The following CPNE4 variants were observed in gnomAD, a reference collection of about 807,000 sequenced individuals.
CPNE4 encodes the protein copine-4.
A neutral mutation model predicts 67.9 loss-of-function variants in CPNE4; 25 were observed. The ratio of observed to expected loss-of-function variants is 0.37; its 90% confidence interval spans 0.27 to 0.51. The LOEUF (loss-of-function observed/expected upper bound fraction) is 0.51. Ranked by LOEUF, CPNE4 falls within the 20% of genes least tolerant of loss-of-function variation. CPNE4 has a pLI of 0.93. For synonymous variants in CPNE4, 242 were observed against 244.9 expected (o/e 0.99, Z 0.11); for missense variants, 464 against 690.8 (o/e 0.67, Z 3.68).
At chr3:131,796,822 C>T (rs958271920) in intron 2 of CPNE4, among the ~76,000 whole-genome samples, 2 of 152,202 alleles carry the variant, frequency 1.3e-5, no homozygotes, top group African/African-American at 4.8e-5. Flanking sequence ...AAGCAGCTGG[C>T]AGGAGCCTTC....
chr3:131,715,895 T>G (rs2081672721), intron 3 of CPNE4, among the ~76,000 whole-genome samples: 1 of 152,188 alleles, frequency 6.6e-6, no homozygotes, highest in Admixed American at 6.5e-5. Context: ...AGCTCCTTGA[T>G]TTCTTTTGGG....
intron 2 of CPNE4, among the ~76,000 whole-genome samples, chr3:131,792,621 A>G (rs60650139): frequency 0.025 from 1,490 of 60,226 alleles, 23 homozygotes; most frequent in East Asian, 0.066. Flanking sequence ...GTATATATGT[A>G]TATATATATA....
At chr3:131,541,184 G>A (rs1016543687) in intron 15 of CPNE4, among the ~76,000 whole-genome samples, 9 of 152,156 alleles carry the variant, frequency 5.9e-5, no homozygotes, top group African/African-American at 2.2e-4. Context: ...ACCCCCACAG[G>A]TGCCTAGACA....
intron 15 of CPNE4, among the ~76,000 whole-genome samples, chr3:131,539,575 A>C (rs1348956198): frequency 1.3e-5 from 2 of 152,232 alleles, no homozygotes; most frequent in Admixed American, 1.3e-4. Flanking sequence ...AGTGACTAGC[A>C]TGTGCCTTGC....
intron 1 of CPNE4, among the ~76,000 whole-genome samples, chr3:131,942,476 GAGAGAGAGAGAGAGAGA>G: frequency 1.4e-5 from 1 of 70,184 alleles, no homozygotes; most frequent in South Asian, 3.5e-4. Flanking sequence ...GAGAGAGAGA[GAGAGAGAGAGAGAGAGA>G]GAGAGAGAGA....
At chr3:131,898,878 A>T (rs541363348) in intron 2 of CPNE4, among the ~76,000 whole-genome samples, 1 of 152,046 alleles carries the variant, frequency 6.6e-6, no homozygotes, top group African/African-American at 2.4e-5. Context: ...GGATGTGTTA[A>T]GGGGGAGGTA....
At chr3:131,556,872 A>T (rs1936486032) in intron 11 of CPNE4, among the ~76,000 whole-genome samples, 2 of 152,196 alleles carry the variant, frequency 1.3e-5, no homozygotes, top group South Asian at 4.1e-4. Flanking sequence ...TGATGCATAC[A>T]ATGTACCAGC....
At chr3:131,644,063 T>C (rs1453570952) in intron 7 of CPNE4, among the ~76,000 whole-genome samples, 1 of 152,186 alleles carries the variant, frequency 6.6e-6, no homozygotes, top group Non-Finnish European at 1.5e-5. Context: ...GTCTGTACCA[T>C]TGGTTCTCAA....
intron 1 of CPNE4, among the ~76,000 whole-genome samples, chr3:131,989,643 A>G (rs2073131613): frequency 7.4e-6 from 1 of 135,918 alleles, no homozygotes; most frequent in Non-Finnish European, 1.7e-5. Flanking sequence ...AAGCCAAAAG[A>G]ATGACATATT....
chr3:131,550,658 T>C (rs1936122910), intron 13 of CPNE4, among the ~76,000 whole-genome samples: 1 of 152,124 alleles, frequency 6.6e-6, no homozygotes, highest in South Asian at 2.1e-4. Context: ...ATGACTTACT[T>C]ATTTTTTGTA....
chr3:131,625,465 A>G (rs2107767047), intron 7 of CPNE4, among the ~76,000 whole-genome samples: 1 of 152,310 alleles, frequency 6.6e-6, no homozygotes, highest in East Asian at 1.9e-4. Context: ...GACATTATAG[A>G]TTTACCCTTT....
chr3:131,690,989 C>T (rs953095098), intron 5 of CPNE4, among the ~76,000 whole-genome samples: 3 of 152,130 alleles, frequency 2.0e-5, no homozygotes, highest in African/African-American at 2.4e-5. Context: ...AAATGCAAAT[C>T]AAAACCACAA....
At chr3:131,595,749 A>G (rs780333534) in intron 7 of CPNE4, among the ~76,000 whole-genome samples, 5 of 152,152 alleles carry the variant, frequency 3.3e-5, no homozygotes, top group Non-Finnish European at 5.9e-5. Flanking sequence ...CACCCCTATG[A>G]CCCAAACACC....
chr3:131,778,385 G>T (rs1250660911), intron 2 of CPNE4, among the ~76,000 whole-genome samples: 2 of 152,008 alleles, frequency 1.3e-5, no homozygotes, highest in African/African-American at 2.4e-5. Context: ...TTGGAGTAAG[G>T]TTCAAATTCT....
At chr3:131,719,010 AC>A (rs747417480) in intron 3 of CPNE4, among the ~76,000 whole-genome samples, 5 of 152,196 alleles carry the variant, frequency 3.3e-5, no homozygotes, top group Non-Finnish European at 5.9e-5. Flanking sequence ...GGAAAGGCCA[AC>A]CCCACCAATC....
intron 2 of CPNE4, among the ~76,000 whole-genome samples, chr3:131,736,536 C>G (rs768120827): frequency 6.7e-6 from 1 of 148,740 alleles, no homozygotes; most frequent in Non-Finnish European, 1.5e-5. Flanking sequence ...AGGGGAATCA[C>G]TTGAACCCGG....
At chr3:131,805,502 T>C (rs2084274725) in intron 2 of CPNE4, among the ~76,000 whole-genome samples, 1 of 152,212 alleles carries the variant, frequency 6.6e-6, no homozygotes, top group Non-Finnish European at 1.5e-5. Flanking sequence ...TATTATCTCA[T>C]ACAGTCTGGG....
intron 3 of CPNE4, among the ~76,000 whole-genome samples, chr3:131,715,931 A>G (rs1259647746): frequency 1.3e-5 from 2 of 152,118 alleles, no homozygotes; most frequent in Non-Finnish European, 2.9e-5. Flanking sequence ...GAAGGTCTCA[A>G]AACTTACCCA....
At chr3:131,788,234 C>T (rs1024136739) in intron 2 of CPNE4, among the ~76,000 whole-genome samples, 20 of 149,258 alleles carry the variant, frequency 1.3e-4, no homozygotes, top group African/African-American at 4.5e-4. Flanking sequence ...AAACAAAAGA[C>T]AAATAAACAA....
Sources: gnomAD v4.1 joint callset for allele counts (sites outside exome capture counted in the v4.1 genomes callset) on GRCh38, gnomAD v4.1.1 for gene constraint, MANE v1.5 for transcripts, NCBI Gene and HGNC (gene_info 2026-07-23, HGNC 2026-07-21) for gene names.